COL6A6: variants seen among roughly 807,000 people sequenced by gnomAD.
The protein encoded by COL6A6 is collagen alpha-6(VI) chain.
Under a neutral mutation model 208.6 loss-of-function variants are expected in COL6A6, and 183 were observed. The observed-to-expected ratio is 0.88, with a 90% confidence interval of 0.78 to 0.99. The LOEUF (loss-of-function observed/expected upper bound fraction) is 0.99, where lower values mean the gene tolerates loss of function less well. Ranked by LOEUF, COL6A6 falls within the 50% of genes least tolerant of loss-of-function variation. The probability of loss-of-function intolerance (pLI) is 0.00; values close to 1 mark genes in which losing one functional copy is unlikely to be tolerated. For synonymous variants in COL6A6, 973 were observed against 1,011.8 expected (o/e 0.96, Z 0.73); for missense variants, 2,816 against 2,815.2 (o/e 1.00, Z -0.01).
Position 130,664,965 on chromosome 3 carries a change from C to A in COL6A6, c.6503-38C>A. ...AGCAGATTGCAGTAATGTTAACAGT[C>A]ATGAATACAAGACTTATCACAGACT... On this transcript the variant is annotated intron_variant, in intron 35 of 36. Transcript: ENST00000358511. 2.2e-6 allele frequency: 3 copies of A among 1,352,162 alleles called. No individual in the cohort carries two copies. The South Asian group carries it at 3.7e-5, about 17-fold the overall frequency. The allele number at this position is 1,352,162 out of a possible 1,614,324, so 83.8% of individuals were successfully genotyped here.
At chr3:130,599,545 C>G (rs1304531521) in intron 19 of COL6A6, among the ~76,000 whole-genome samples, 1 of 152,148 alleles carries the variant, frequency 6.6e-6, no homozygotes, top group Non-Finnish European at 1.5e-5. Context: ...CAGATGAAGC[C>G]ATGTCATTAG....
At chr3:130,519,913 G>A (rs1710965346) in intron 1 of COL6A6, among the ~76,000 whole-genome samples, 1 of 152,122 alleles carries the variant, frequency 6.6e-6, no homozygotes, top group Non-Finnish European at 1.5e-5. Flanking sequence ...TTGTTTCCAT[G>A]GAATGTAATA....
chr3:130,563,279 C>A lies in COL6A6; in HGVS notation c.276C>A (p.Asn92Lys). 6.2e-7 allele frequency: 1 copy of A among 1,613,980 alleles called. No individual in the cohort carries two copies. Among genetic ancestry groups the A allele is most frequent in the South Asian group, 1.1e-5 (1 of 91,082 alleles). The change falls in exon 3 of 37, where the codon AAC (asparagine) becomes AAA (lysine). Residue 92 changes from asparagine to lysine, a missense_variant. Physicochemically the swap from Asn to Lys is moderately conservative, Grantham distance 94. Transcript: ENST00000358511. Reference sequence around the variant, plus strand: ...TCAAAGGCAGGAGCCCCATGCTGAACCACCTAAGGAAGAACTTTGGATTCA... The same window carrying A: ...TCAAAGGCAGGAGCCCCATGCTGAAACACCTAAGGAAGAACTTTGGATTCA... ...STFKGRSPML[N>K]HLRKNFGFIG...
chr3:130,634,242 T>TAAAAAA (rs202193097), intron 26 of COL6A6, among the ~76,000 whole-genome samples: 2 of 23,808 alleles, frequency 8.4e-5, no homozygotes, highest in Non-Finnish European at 1.2e-4. Context: ...AATAAATAAA[T>TAAAAAA]AAAAAAAAAA....
chr3:130,611,572 A>G (rs530520250), intron 23 of COL6A6, among the ~76,000 whole-genome samples: 4 of 152,254 alleles, frequency 2.6e-5, no homozygotes, highest in Non-Finnish European at 5.9e-5. Context: ...AGCTCAACAC[A>G]TATTTGAATA....
At position 130,571,044 on chromosome 3, in the gene COL6A6, C is replaced by T. The variant is rs375258523; in HGVS notation, c.2628C>T (p.Leu876=). Residue 876 remains leucine, a synonymous_variant, in exon 7 of 37, where the codon CTC becomes CTT. Transcript: ENST00000358511. ...CAAAACTGGAGGTAATTTCAGTGCTCCAGAATGACCAAGCCATGGGTGGCA... is the reference window on the plus strand; with the variant it reads ...CAAAACTGGAGGTAATTTCAGTGCTTCAGAATGACCAAGCCATGGGTGGCA... ...FGTKLEVISV[L]QNDQAMGGST... The T allele has an allele frequency of 5.0e-6, 8 of 1,613,652 alleles. No individual in the cohort carries two copies. The highest frequency in any genetic ancestry group is 1.3e-5 in the African/African-American group (1 of 74,908).
At chr3:130,645,547 G>A (rs1209638471) in intron 32 of COL6A6, among the ~76,000 whole-genome samples, 1 of 152,074 alleles carries the variant, frequency 6.6e-6, no homozygotes, top group African/African-American at 2.4e-5. Context: ...CAAAGTGCTG[G>A]GATTACAGGT....
At chr3:130,674,786 A>G (rs967766569) in intron 36 of COL6A6, among the ~76,000 whole-genome samples, 6 of 152,190 alleles carry the variant, frequency 3.9e-5, no homozygotes, top group Non-Finnish European at 8.8e-5. Context: ...TTTACAGGTA[A>G]ATAAAAGTTC....
intron 1 of COL6A6, among the ~76,000 whole-genome samples, chr3:130,555,806 G>A (rs1028934167): frequency 2.0e-5 from 3 of 152,002 alleles, no homozygotes; most frequent in Non-Finnish European, 2.9e-5. Context: ...AGCTATTAAT[G>A]TGCGTTACAT....
intron 24 of COL6A6, among the ~76,000 whole-genome samples, chr3:130,625,432 A>G (rs1405484907): frequency 6.6e-6 from 1 of 152,190 alleles, no homozygotes; most frequent in African/African-American, 2.4e-5. Flanking sequence ...CTTGACTGCC[A>G]TTATCTCAAC....
At chr3:130,594,042 A>G (rs1175588337) in intron 17 of COL6A6, among the ~76,000 whole-genome samples, 1 of 152,214 alleles carries the variant, frequency 6.6e-6, no homozygotes, top group Non-Finnish European at 1.5e-5. Flanking sequence ...TGTAAAAAAC[A>G]AGATGACAAG....
At chr3:130,611,138 G>C (rs2064346299) in intron 23 of COL6A6, among the ~76,000 whole-genome samples, 1 of 152,074 alleles carries the variant, frequency 6.6e-6, no homozygotes. Context: ...CTCTGGCAAT[G>C]AGGCCAGGGT....
At chr3:130,556,054 G>A (rs7642460) in intron 1 of COL6A6, among the ~76,000 whole-genome samples, 130,702 of 152,036 alleles carry the variant, frequency 0.86, 56,689 homozygotes, top group African/African-American at 0.9. Context: ...GCCCTTCTCA[G>A]TCTTCAGGGA....
intron 35 of COL6A6, among the ~76,000 whole-genome samples, chr3:130,662,928 C>T (rs2065973539): frequency 6.6e-6 from 1 of 152,090 alleles, no homozygotes; most frequent in African/African-American, 2.4e-5. Flanking sequence ...GTAAGTTTGC[C>T]TTGAAAATAT....
At chr3:130,640,534 C>A (rs544561255) in intron 28 of COL6A6, among the ~76,000 whole-genome samples, 2 of 152,240 alleles carry the variant, frequency 1.3e-5, no homozygotes, top group South Asian at 4.2e-4. Context: ...CATTGGAATG[C>A]CCAAAGGATA....
intron 17 of COL6A6, among the ~76,000 whole-genome samples, chr3:130,593,617 C>G (rs2063776032): frequency 6.6e-6 from 1 of 152,220 alleles, no homozygotes; most frequent in Admixed American, 6.5e-5. Flanking sequence ...GGTCAGAACT[C>G]TCTCAACACT....
chr3:130,528,736 T>C (rs2062016572), intron 1 of COL6A6, among the ~76,000 whole-genome samples: 1 of 152,156 alleles, frequency 6.6e-6, no homozygotes, highest in Admixed American at 6.5e-5. Flanking sequence ...CAGGTTCCTA[T>C]TTCAGATCAA....
At chr3:130,588,457 TATATG>T (rs1469251569) in intron 11 of COL6A6, among the ~76,000 whole-genome samples, 1 of 152,238 alleles carries the variant, frequency 6.6e-6, no homozygotes, top group Non-Finnish European at 1.5e-5. Context: ...TGTTTTAAAA[TATATG>T]ATATAGATGT....
chr3:130,620,364 A>C (rs528752645), intron 23 of COL6A6, among the ~76,000 whole-genome samples: 1 of 152,226 alleles, frequency 6.6e-6, no homozygotes, highest in Non-Finnish European at 1.5e-5. Context: ...TCAAAGGTTC[A>C]TGAGAGGAGC....
Sources: allele counts gnomAD v4.1 joint callset (sites outside exome capture counted in the v4.1 genomes callset), GRCh38; gene constraint gnomAD v4.1.1; transcripts MANE v1.5; gene names NCBI Gene and HGNC (gene_info 2026-07-23, HGNC 2026-07-21).